Variants in PTH1R observed in about 807,000 individuals in gnomAD.
PTH1R encodes the protein parathyroid hormone 1 receptor.
Under a neutral mutation model 70.7 loss-of-function variants are expected in PTH1R, and 32 were observed. The ratio of observed to expected loss-of-function variants is 0.45; its 90% CI spans 0.34 to 0.61. The LOEUF is 0.61. PTH1R is among the 20% of genes least tolerant of loss of function. The probability of loss-of-function intolerance (pLI) is 0.01; values close to 1 mark genes in which losing one functional copy is unlikely to be tolerated. For missense variants in PTH1R, 626 were observed against 792.5 expected, an observed-to-expected ratio of 0.79 and a Z score of 2.52; for synonymous variants, 329 against 324.8, an observed-to-expected ratio of 1.01 and a Z score of -0.14.
rs1021876790 is a variant in PTH1R at position 46,882,416 on chromosome 3, G to A, written c.-48-1096G>A. 5 of 151,464 alleles carry A rather than the reference G, an allele frequency of 3.3e-5. No individual in the cohort carries two copies. In the East Asian group the frequency reaches 7.9e-4, roughly 24 times the overall value. 9.4% of individuals were successfully genotyped at this position (151,464 alleles called of 1,614,324 possible). On this transcript the variant is annotated intron_variant, in intron 2 of 15. Transcript: ENST00000449590. The surrounding 1 kb of genome is among the most constrained non-coding windows in gnomAD (Gnocchi z 4.3). Reference sequence around the variant, plus strand: ...GCGCTGGCTTGGGGAGGCTGTCGGGGGGGCCCCGACATCCATGGCAAGGCG... The same window carrying A: ...GCGCTGGCTTGGGGAGGCTGTCGGGAGGGCCCCGACATCCATGGCAAGGCG...
chr3:46,902,780 G>A lies in PTH1R; in HGVS notation c.1385G>A (p.Cys462Tyr). The A allele has an allele frequency of 6.2e-7, 1 of 1,613,834 alleles. No homozygotes were observed. The highest frequency in any genetic ancestry group is 1.3e-5 in the African/African-American group (1 of 75,016). The change falls in exon 15 of 16, where the codon TGC (cysteine) becomes TAC (tyrosine). Residue 462 changes from cysteine (C) to tyrosine (Y), a missense_variant. Transcript: ENST00000449590. This position sits in a 1 kb window ranked among gnomAD's most constrained non-coding sequence, Gnocchi z 5.4. The part of the protein sequence containing the change: ...GFFVAIIYCF[C>Y]NGEVQAEIKK... The stretch of plus-strand genomic sequence containing the variant: ...TTTGTCGCAATCATATACTGTTTCT[G>A]CAATGGCGAGGTAAGCAGGAGACAG...
At chr3:46,885,023 C>T (rs1422055233) in intron 3 of PTH1R, among the ~76,000 whole-genome samples, 1 of 152,206 alleles carries the variant, frequency 6.6e-6, no homozygotes, top group Admixed American at 6.5e-5. Flanking sequence ...ACACCCTCTG[C>T]AGAGACACTC....
Position 46,883,377 on chromosome 3 carries a change from G to C in PTH1R, c.-48-135G>C, listed in dbSNP as rs530204092. 1 of 161,358 alleles carries C rather than the reference G, an allele frequency of 6.2e-6. No homozygotes were observed. The highest frequency in any genetic ancestry group is 2.6e-5 in the African/African-American group (1 of 39,214). The allele number at this position is 161,358 out of a possible 1,614,324, so 10.0% of individuals were successfully genotyped here. ...CTTTGCGCTGCTCGCTCGCTCGCTC[G>C]CTCGCTCGCCCTCAGCGCATGGGCC... On this transcript the variant is annotated intron_variant, in intron 2 of 15. Transcript: ENST00000449590. This position sits in a 1 kb window ranked among gnomAD's most constrained non-coding sequence, Gnocchi z 6.4.
intron 8 of PTH1R, 23 bp downstream of exon 8, chr3:46,898,495 C>T: frequency 6.3e-7 from 1 of 1,579,484 alleles, no homozygotes. Flanking sequence ...GGGCGAGAGG[C>T]GGCGGGACAT....
rs764386176 is a variant in PTH1R, at chr3:46,893,870, GA to G, written c.76-34del. On this transcript the variant is annotated intron_variant, in intron 3 of 15. Transcript: ENST00000449590. This position sits in a 1 kb window ranked among gnomAD's most constrained non-coding sequence, Gnocchi z 5.2. The stretch of plus-strand genomic sequence containing the variant: ...GTCTCTGGGACCTGCTGCTGCGCCG[GA>G]AAGTCCTGCCTGTGGTCTGACCTTC... The G allele has an allele frequency of 2.4e-4, 380 of 1,603,998 alleles. No individual in the cohort carries two copies. Among genetic ancestry groups the G allele is most frequent in the Non-Finnish European group, 3.0e-4 (353 of 1,172,414 alleles).
rs557709840 is a variant in PTH1R at position 46,882,669 on chromosome 3, G to C, written c.-48-843G>C. Among the ~76,000 whole-genome samples, 5 of 152,044 alleles carry C rather than the reference G, an allele frequency of 3.3e-5. No individual in the cohort carries two copies. The highest frequency in any genetic ancestry group is 4.8e-5 in the African/African-American group (2 of 41,400). ...GCAAATGTTTTCGTAGAGAGAAAAGGGGGAGGGAGGGAGCGAGGGAGTGAC... is the reference window on the plus strand; with the variant it reads ...GCAAATGTTTTCGTAGAGAGAAAAGCGGGAGGGAGGGAGCGAGGGAGTGAC... On this transcript the variant is annotated intron_variant, in intron 2 of 15. Coordinates refer to ENST00000449590, the MANE Select transcript of PTH1R (RefSeq NM_000316.3). This position sits in a 1 kb window ranked among gnomAD's most constrained non-coding sequence, Gnocchi z 4.3.
intron 3 of PTH1R, among the ~76,000 whole-genome samples, chr3:46,887,048 G>A (rs986274843): frequency 1.3e-5 from 2 of 151,962 alleles, no homozygotes; most frequent in African/African-American, 4.8e-5. Context: ...AGACCAGCCT[G>A]GCCAACATGG....
Position 46,895,088 on chromosome 3 carries a change from CAAACAA to C in PTH1R, c.179-643_179-638del, listed in dbSNP as rs200006281. 3.8e-3 allele frequency among the ~76,000 whole-genome samples: 315 copies of C among 82,900 alleles called. 15 individuals carry two copies. Among genetic ancestry groups the C allele is most frequent in the South Asian group, 0.017 (36 of 2,150 alleles). The allele number at this position is 82,900 out of a possible 152,430, so 54.4% of individuals were successfully genotyped here. ...CAAAAAAAAAAACAAAAAAAACAAA[CAAACAA>C]AAAAAAAAAACGTCCAGCATCTCTC... On this transcript the variant is annotated intron_variant, in intron 4 of 15. Coordinates refer to ENST00000449590, the MANE Select transcript of PTH1R (RefSeq NM_000316.3).
At position 46,883,148 on chromosome 3, in the gene PTH1R, A is replaced by AAAAGAAAG. The variant is rs540920290; in HGVS notation, c.-48-340_-48-333dup. Among the ~76,000 whole-genome samples the AAAAGAAAG allele has an allele frequency of 1.3e-3, 188 of 142,228 alleles. No homozygotes were observed. The highest frequency in any genetic ancestry group is 2.9e-3 in the African/African-American group (110 of 38,478). The allele number at this position is 142,228 out of a possible 152,430, so 93.3% of individuals were successfully genotyped here. A position where few individuals can be genotyped will look rare whatever the true frequency, so the allele number is the denominator to read the frequency against. ...AGCTCCCATTTCCCCAAAAGAAAAA[A>AAAAGAAAG]AAAGAAAGAAAGAAAGAAAGAAAGA... On this transcript the variant is annotated intron_variant, in intron 2 of 15. Coordinates refer to ENST00000449590, the MANE Select transcript of PTH1R (RefSeq NM_000316.3). This position sits in a 1 kb window ranked among gnomAD's most constrained non-coding sequence, Gnocchi z 6.4.
At chr3:46,886,446 C>T (rs918111717) in intron 3 of PTH1R, among the ~76,000 whole-genome samples, 3 of 152,164 alleles carry the variant, frequency 2.0e-5, no homozygotes, top group Non-Finnish European at 4.4e-5. Flanking sequence ...CAAGCTCTGC[C>T]TCCCGGGTTC....
intron 9 of PTH1R, 149 bp from the exon 10 acceptor site, chr3:46,899,154 C>G (rs1418228745): frequency 2.9e-6 from 3 of 1,051,732 alleles, no homozygotes; most frequent in East Asian, 5.1e-5. Context: ...ACCGCATCCC[C>G]CTGAGAGAGC....
Position 46,883,422 on chromosome 3 carries a change from C to G in PTH1R, c.-48-90C>G. The G allele has an allele frequency of 1.5e-6, 1 of 650,180 alleles. No individual in the cohort carries two copies. Among genetic ancestry groups the G allele is most frequent in the South Asian group, 7.6e-5 (1 of 13,142 alleles). The allele number at this position is 650,180 out of a possible 1,614,324, so 40.3% of individuals were successfully genotyped here. ...TGGGCCCCGCGCCGGGCCCCGGGGC[C>G]TCGGGCCGCCGGGACGCCGGGGTCC... On this transcript the variant is annotated intron_variant, in intron 2 of 15. Transcript: ENST00000449590. This position sits in a 1 kb window ranked among gnomAD's most constrained non-coding sequence, Gnocchi z 6.4.
Position 46,903,674 on chromosome 3 carries a change from G to A in PTH1R, c.*18G>A. ...TCATGTGACCAGGCGCTGGGGGCTG[G>A]ACCTGCTGACATAGTGGATGGACAG... is the stretch of plus-strand genomic sequence containing the variant. On this transcript the variant is annotated 3_prime_UTR_variant, in exon 16 of 16. Coordinates refer to ENST00000449590, the MANE Select transcript of PTH1R (RefSeq NM_000316.3). The surrounding 1 kb of genome is among the most constrained non-coding windows in gnomAD (Gnocchi z 4.4). 1 of 1,604,894 alleles carries A rather than the reference G, an allele frequency of 6.2e-7. No individual in the cohort carries two copies. The highest frequency in any genetic ancestry group is 8.5e-7 in the Non-Finnish European group (1 of 1,179,978).
rs1477783138 is a variant in PTH1R at position 46,893,048 on chromosome 3, T to A, written c.76-859T>A. Among the ~76,000 whole-genome samples the A allele has an allele frequency of 6.6e-6, 1 of 152,186 alleles. No individual in the cohort carries two copies. Among genetic ancestry groups the A allele is most frequent in the Non-Finnish European group, 1.5e-5 (1 of 68,022 alleles). ...GAGACCCCTCAGCAGCCACCTGCTCTGGGTGAGCCTCCACCCGCATGATAT... is the reference window on the plus strand; with the variant it reads ...GAGACCCCTCAGCAGCCACCTGCTCAGGGTGAGCCTCCACCCGCATGATAT... On this transcript the variant is annotated intron_variant, in intron 3 of 15. Transcript: ENST00000449590. The surrounding 1 kb of genome is among the most constrained non-coding windows in gnomAD (Gnocchi z 5.2).
Position 46,903,362 on chromosome 3 carries a change from C to T in PTH1R, c.1488C>T (p.Tyr496=), listed in dbSNP as rs201035955. ...GCAGCGGGAGCAGCAGCTATAGCTACGGCCCCATGGTGTCCCACACAAGTG... is the reference window on the plus strand; with the variant it reads ...GCAGCGGGAGCAGCAGCTATAGCTATGGCCCCATGGTGTCCCACACAAGTG... The part of the protein sequence containing the change: ...KARSGSSSYS[Y]GPMVSHTSVT... Residue 496 remains tyrosine (Y), a synonymous_variant, in exon 16 of 16, where the codon TAC becomes TAT. Transcript: ENST00000449590. This position sits in a 1 kb window ranked among gnomAD's most constrained non-coding sequence, Gnocchi z 4.4. The T allele has an allele frequency of 2.9e-5, 47 of 1,613,702 alleles. 1 individual carries two copies. Among genetic ancestry groups the T allele is most frequent in the Admixed American group, 2.3e-4 (14 of 60,034 alleles).
At chr3:46,900,558 G>A (rs1319598581) in intron 10 of PTH1R, among the ~76,000 whole-genome samples, 1 of 151,966 alleles carries the variant, frequency 6.6e-6, no homozygotes, top group African/African-American at 2.4e-5. Context: ...GCCTCTGCTT[G>A]GGACAAAACC....
intron 4 of PTH1R, 101 bp from the exon 5 acceptor site, chr3:46,895,634 A>C (rs2107021217): frequency 1.9e-6 from 3 of 1,579,220 alleles, no homozygotes; most frequent in Non-Finnish European, 1.7e-6. Flanking sequence ...GCAGGAGACA[A>C]CCCCCCCATT....
chr3:46,894,115 G>A (rs929539584), intron 4 of PTH1R, 106 bp downstream of exon 4: 34 of 1,217,908 alleles, frequency 2.8e-5, no homozygotes, highest in East Asian at 4.9e-5. Context: ...CTGTGGGGGC[G>A]GACTTAGGTA....
At position 46,901,504 on chromosome 3, in the gene PTH1R, C is replaced by T; in HGVS notation, c.1116+24C>T. ...TGGTGAGCAGGGGTGGGCTGCTGGCCACAGGGGTGGGTGGGATGTGCGCCT... is the reference window on the plus strand; with the variant it reads ...TGGTGAGCAGGGGTGGGCTGCTGGCTACAGGGGTGGGTGGGATGTGCGCCT... On this transcript the variant is annotated intron_variant, in intron 12 of 15. Coordinates refer to ENST00000449590, the MANE Select transcript of PTH1R (RefSeq NM_000316.3). This position sits in a 1 kb window ranked among gnomAD's most constrained non-coding sequence, Gnocchi z 7.3. 1 of 1,556,430 alleles carries T rather than the reference C, an allele frequency of 6.4e-7. No individual in the cohort carries two copies. The highest frequency in any genetic ancestry group is 1.7e-4 in the Middle Eastern group (1 of 5,986).
Sources: gnomAD v4.1 joint callset for allele counts (sites outside exome capture counted in the v4.1 genomes callset) on GRCh38, gnomAD v4.1.1 for gene constraint, Gnocchi (gnomAD v3.1) non-coding constraint, MANE v1.5 for transcripts, NCBI Gene and HGNC (gene_info 2026-07-23, HGNC 2026-07-21) for gene names.